TMEM278: variants seen among roughly 807,000 people sequenced by gnomAD.
TMEM278 encodes transmembrane protein 278, also known as transmembrane protein 88B.
chr1:1,428,270 CCG>C, the TMEM278 span, among the ~76,000 whole-genome samples: 14 of 151,734 alleles, frequency 9.2e-5, no homozygotes, highest in Non-Finnish European at 1.5e-5. Flanking sequence ...CCAAGGCCTC[CCG>C]CGCCTGCCCA....
the TMEM278 span, among the ~76,000 whole-genome samples, chr1:1,427,081 C>T: frequency 6.8e-6 from 1 of 146,256 alleles, no homozygotes; most frequent in Admixed American, 6.8e-5. Flanking sequence ...CATCTCCCCC[C>T]TCCCTCTTCC....
At chr1:1,427,902 C>G in the TMEM278 span, 1 of 1,050,258 alleles carries the variant, frequency 9.5e-7, no homozygotes, top group South Asian at 2.3e-5. Context: ...GCTGGGCGCG[C>G]AGCGCTCCCG....
the TMEM278 span, chr1:1,427,642 C>T: frequency 1.0e-5 from 14 of 1,345,350 alleles, no homozygotes; most frequent in African/African-American, 1.9e-4. Flanking sequence ...CTCTCGCTGC[C>T]GCCGCTGCTG....
At chr1:1,426,173 G>A in the TMEM278 span, 1 of 1,418,254 alleles carries the variant, frequency 7.1e-7, no homozygotes, top group Non-Finnish European at 9.2e-7. Flanking sequence ...GGGGGGAGGT[G>A]GTGCTTCCGA....
At chr1:1,427,076 C>T in the TMEM278 span, among the ~76,000 whole-genome samples, 1 of 142,230 alleles carries the variant, frequency 7.0e-6, no homozygotes, top group Non-Finnish European at 1.5e-5. Context: ...CCCTCCATCT[C>T]CCCCCTCCCT....
At chr1:1,426,657 G>A in the TMEM278 span, among the ~76,000 whole-genome samples, 1 of 152,100 alleles carries the variant, frequency 6.6e-6, no homozygotes, top group Non-Finnish European at 1.5e-5. Context: ...GGGTGGGGGT[G>A]GGGAGAGAAC....
chr1:1,429,835 T>G, the TMEM278 span, among the ~76,000 whole-genome samples: 1 of 152,104 alleles, frequency 6.6e-6, no homozygotes, highest in Non-Finnish European at 1.5e-5. Context: ...ACCACTTCCC[T>G]TCATCATCCA....
At chr1:1,426,580 G>A in the TMEM278 span, among the ~76,000 whole-genome samples, 2,508 of 152,206 alleles carry the variant, frequency 0.016, 43 homozygotes, top group African/African-American at 0.047. Flanking sequence ...TTCACCCAAG[G>A]GACAGCTCTG....
chr1:1,426,403 G>C, the TMEM278 span: 1 of 1,358,654 alleles, frequency 7.4e-7, no homozygotes, highest in Non-Finnish European at 9.5e-7. Context: ...TGTGCCCCGT[G>C]GGCGGGGGAC....
chr1:1,430,105 G>A, the TMEM278 span, among the ~76,000 whole-genome samples: 1 of 152,096 alleles, frequency 6.6e-6, no homozygotes, highest in African/African-American at 2.4e-5. Context: ...CAATCCTCTC[G>A]CCTCAGCCTC....
the TMEM278 span, among the ~76,000 whole-genome samples, chr1:1,428,800 A>G: frequency 4.6e-5 from 7 of 152,158 alleles, no homozygotes; most frequent in Admixed American, 6.6e-5. Context: ...GGAGATCCAG[A>G]TCATCCTGGC....
At chr1:1,426,907 G>A in the TMEM278 span, among the ~76,000 whole-genome samples, 4,622 of 151,994 alleles carry the variant, frequency 0.03, 83 homozygotes, top group Non-Finnish European at 0.044. Context: ...GCGGCAGTGG[G>A]CGCTTTTTCT....
chr1:1,426,187 A>G, the TMEM278 span: 1 of 1,418,380 alleles, frequency 7.1e-7, no homozygotes, highest in Admixed American at 3.0e-5. Flanking sequence ...CTTCCGACAC[A>G]GCGCCCATGC....
At chr1:1,426,170 G>A in the TMEM278 span, 11 of 1,417,496 alleles carry the variant, frequency 7.8e-6, no homozygotes, top group Non-Finnish European at 1.0e-5. Context: ...GGAGGGGGGA[G>A]GTGGTGCTTC....
the TMEM278 span, chr1:1,426,456 C>T: frequency 8.1e-7 from 1 of 1,231,578 alleles, no homozygotes; most frequent in South Asian, 2.1e-5. Flanking sequence ...GGTCTGAAGG[C>T]ACTGTGCCCC....
chr1:1,429,084 G>C, the TMEM278 span, among the ~76,000 whole-genome samples: 1 of 151,636 alleles, frequency 6.6e-6, no homozygotes, highest in Non-Finnish European at 1.5e-5. Context: ...CAGGAGGATC[G>C]CTTGAACCCA....
At chr1:1,427,563 G>A in the TMEM278 span, 3 of 857,526 alleles carry the variant, frequency 3.5e-6, no homozygotes, top group African/African-American at 5.5e-5. Context: ...GGTCCACCCC[G>A]CTCCGGGTCC....
chr1:1,426,343 C>G, the TMEM278 span: 1 of 1,444,140 alleles, frequency 6.9e-7, no homozygotes, highest in Non-Finnish European at 9.1e-7. Flanking sequence ...TGCTCCTGCC[C>G]GCGGCCGCCG....
the TMEM278 span, among the ~76,000 whole-genome samples, chr1:1,427,110 A>T: frequency 1.1e-5 from 1 of 94,966 alleles, no homozygotes; most frequent in Admixed American, 1.2e-4. Context: ...TCAGCCCGCC[A>T]CGGCCCCTCT....
Sources: allele counts gnomAD v4.1 joint callset (sites outside exome capture counted in the v4.1 genomes callset), GRCh38; gene constraint gnomAD v4.1.1; transcripts MANE v1.5; gene names NCBI Gene and HGNC (gene_info 2026-07-23, HGNC 2026-07-21).